Variants in ENOX2 observed in about 807,000 individuals in gnomAD.
ENOX2 encodes ecto-NOX disulfide-thiol exchanger 2.
In ENOX2, 36 loss-of-function variants were observed where a neutral mutation model predicts 45.0. The observed-to-expected ratio is 0.80, with a 90% CI of 0.61 to 1.06. The LOEUF (loss-of-function observed/expected upper bound fraction) is 1.06. Ranked by LOEUF, ENOX2 falls within the 50% of genes least tolerant of loss-of-function variation. The pLI is 0.00. For missense variants in ENOX2, 423 were observed against 462.5 expected (o/e 0.91, Z 0.78); for synonymous variants, 174 against 152.3 (o/e 1.14, Z -1.05).
At chrX:130,851,360 A>G (rs2078204410) in intron 2 of ENOX2, among the ~76,000 whole-genome samples, 1 of 111,452 alleles carries the variant, frequency 9.0e-6, no homozygotes, top group African/African-American at 3.3e-5. Flanking sequence ...AGCTGGGACT[A>G]CAGGCAGATG....
intron 3 of ENOX2, among the ~76,000 whole-genome samples, chrX:130,724,556 T>C (rs1215358005): frequency 1.8e-5 from 2 of 112,798 alleles, no homozygotes; most frequent in African/African-American, 6.4e-5. Context: ...GAGCTCTTTA[T>C]ATTGCAGTTG....
chrX:130,733,147 A>G (rs2038776514), intron 3 of ENOX2, among the ~76,000 whole-genome samples: 1 of 112,085 alleles, frequency 8.9e-6, no homozygotes, highest in Admixed American at 9.4e-5. Context: ...TCTCTAAAAT[A>G]TATAAGGAAC....
intron 4 of ENOX2, among the ~76,000 whole-genome samples, chrX:130,700,070 G>A (rs1268345747): frequency 2.7e-5 from 3 of 111,912 alleles, no homozygotes; most frequent in African/African-American, 9.7e-5. Flanking sequence ...AAGAAACTGA[G>A]GCATAGAGAA....
chrX:130,668,922 G>A (rs764772731), intron 7 of ENOX2, among the ~76,000 whole-genome samples: 11 of 112,125 alleles, frequency 9.8e-5, no homozygotes, highest in Non-Finnish European at 1.3e-4. Flanking sequence ...TGGACCTGGC[G>A]TCTTACCAAT....
In ENOX2 at chrX:130,697,065, GC is replaced by G. The variant is rs1310453905; in HGVS notation, c.97+6054del. On this transcript the variant is annotated intron_variant, in intron 4 of 14. Coordinates refer to ENST00000394363, the MANE Select transcript of ENOX2 (RefSeq NM_006375.4). ...TATACTGTAATCTTTCTTATAAGCT[GC>G]CTCAAAGTCTTTGCTGAATGAGGTG... Among the ~76,000 whole-genome samples the G allele has an allele frequency of 4.5e-5, 5 of 110,797 alleles. No individual in the cohort carries two copies. The East Asian group carries it at 1.4e-3, about 31-fold the overall frequency.
At chrX:130,900,841 G>A (rs1412436198) in intron 2 of ENOX2, among the ~76,000 whole-genome samples, 2 of 112,012 alleles carry the variant, frequency 1.8e-5, no homozygotes, top group Non-Finnish European at 3.8e-5. Flanking sequence ...TGGGCATCCA[G>A]CTCCCCAGCT....
intron 2 of ENOX2, among the ~76,000 whole-genome samples, chrX:130,848,869 G>A (rs2078158633): frequency 8.9e-6 from 1 of 111,905 alleles, no homozygotes; most frequent in Non-Finnish European, 1.9e-5. Flanking sequence ...CTCTCCTTGA[G>A]GAAAGATGAA....
intron 2 of ENOX2, among the ~76,000 whole-genome samples, chrX:130,831,674 T>C (rs2077832669): frequency 8.9e-6 from 1 of 112,032 alleles, no homozygotes; most frequent in African/African-American, 3.2e-5. Context: ...AAGTAGGTCC[T>C]CTCATATTTT....
At chrX:130,811,934 T>C (rs2077396206) in intron 2 of ENOX2, among the ~76,000 whole-genome samples, 1 of 110,398 alleles carries the variant, frequency 9.1e-6, no homozygotes, top group African/African-American at 3.3e-5. Flanking sequence ...AAATGAAAAA[T>C]GCAATACAGA....
At chrX:130,747,771 T>C (rs978933428) in intron 3 of ENOX2, among the ~76,000 whole-genome samples, 1 of 112,438 alleles carries the variant, frequency 8.9e-6, no homozygotes, top group Non-Finnish European at 1.9e-5. Flanking sequence ...TGCAGCAATG[T>C]GTACCAGACT....
At chrX:130,697,131 C>A (rs912533408) in intron 4 of ENOX2, among the ~76,000 whole-genome samples, 1 of 111,396 alleles carries the variant, frequency 9.0e-6, no homozygotes, top group East Asian at 2.8e-4. Flanking sequence ...ATACTGTATA[C>A]CCTTGCATAC....
chrX:130,805,046 C>T (rs752742632), intron 2 of ENOX2, among the ~76,000 whole-genome samples: 7 of 111,690 alleles, frequency 6.3e-5, no homozygotes, highest in Admixed American at 1.9e-4. Context: ...CATATGAGGA[C>T]ACATACAAGG....
chrX:130,736,286 G>A (rs1418279848), intron 3 of ENOX2, among the ~76,000 whole-genome samples: 2 of 109,917 alleles, frequency 1.8e-5, no homozygotes, highest in Admixed American at 9.7e-5. Flanking sequence ...GTCGCTTGGG[G>A]AGGGGGAGGT....
At position 130,884,438 on chromosome X, in the gene ENOX2, G is replaced by T. The variant is rs376860352; in HGVS notation, c.-183+17246C>A. Among the ~76,000 whole-genome samples, 7 of 111,174 alleles carry T rather than the reference G, an allele frequency of 6.3e-5. No homozygotes were observed. The East Asian group carries it at 2.0e-3, about 31-fold the overall frequency. On this transcript the variant is annotated intron_variant, in intron 2 of 14. Coordinates refer to ENST00000394363, the MANE Select transcript of ENOX2 (RefSeq NM_006375.4). ...CAAATGCTGAAGAAGAGTTGTCTATGGCGTGAACATCGAGTCATTAATCTA... is the reference window on the plus strand; with the variant it reads ...CAAATGCTGAAGAAGAGTTGTCTATTGCGTGAACATCGAGTCATTAATCTA...
chrX:130,833,004 T>C (rs2077862997), intron 2 of ENOX2, among the ~76,000 whole-genome samples: 1 of 94,066 alleles, frequency 1.1e-5, no homozygotes, highest in Non-Finnish European at 2.1e-5. Context: ...TAAGTATTCA[T>C]GTATAATCAC....
At chrX:130,757,161 A>G (rs1448835590) in intron 3 of ENOX2, among the ~76,000 whole-genome samples, 2 of 111,860 alleles carry the variant, frequency 1.8e-5, no homozygotes, top group African/African-American at 6.5e-5. Flanking sequence ...GGCAACATAT[A>G]TTTATCACTA....
At chrX:130,767,003 A>G (rs2039633443) in intron 3 of ENOX2, among the ~76,000 whole-genome samples, 1 of 111,697 alleles carries the variant, frequency 9.0e-6, no homozygotes, top group Non-Finnish European at 1.9e-5. Flanking sequence ...AGCCATAATC[A>G]ATACTGGCTC....
chrX:130,822,015 C>T (rs1325687405), intron 2 of ENOX2, among the ~76,000 whole-genome samples: 1 of 100,535 alleles, frequency 9.9e-6, no homozygotes, highest in Non-Finnish European at 2.0e-5. Context: ...TTGCAGTGAG[C>T]CGAGATCGCA....
intron 10 of ENOX2, among the ~76,000 whole-genome samples, chrX:130,649,344 G>T (rs1238451856): frequency 9.2e-6 from 1 of 109,289 alleles, no homozygotes; most frequent in Non-Finnish European, 1.9e-5. Flanking sequence ...CCACATTAGC[G>T]TGAAAACATT....
Sources: gnomAD v4.1 joint callset for allele counts (sites outside exome capture counted in the v4.1 genomes callset) on GRCh38, gnomAD v4.1.1 for gene constraint, MANE v1.5 for transcripts, NCBI Gene and HGNC (gene_info 2026-07-23, HGNC 2026-07-21) for gene names.